The following C3 variants were observed in gnomAD, a reference collection of about 807,000 sequenced individuals.
C3 encodes the protein C3 and PZP-like alpha-2-macroglobulin domain-containing protein 1.
Under a neutral mutation model 207.9 loss-of-function variants are expected in C3, and 97 were observed. The observed-to-expected ratio is 0.47, with a 90% CI of 0.40 to 0.55. C3 has a LOEUF of 0.55. C3 is among the 20% of genes least tolerant of loss of function. The pLI is 0.00. For synonymous variants in C3, 848 were observed against 857.6 expected (o/e 0.99, Z 0.20); for missense variants, 1,684 against 2,171.7 (o/e 0.78, Z 4.46).
At chr19:6,696,487 C>T in intron 22 of C3, 22 bp from the exon 23 acceptor site, 1 of 1,600,802 alleles carries the variant, frequency 6.2e-7, no homozygotes, top group Non-Finnish European at 8.6e-7. Context: ...GTGAGAGATA[C>T]CGATGGCTCT....
intron 4 of C3, 61 bp from the exon 5 acceptor site, chr19:6,714,507 C>G (rs1216332823): frequency 1.4e-5 from 16 of 1,135,022 alleles, no homozygotes; most frequent in Non-Finnish European, 2.1e-5. Context: ...TGGGCTTAGC[C>G]TCTCAGCTCT....
At chr19:6,707,392 T>C in intron 16 of C3, 74 bp downstream of exon 16, 1 of 1,601,148 alleles carries the variant, frequency 6.2e-7, no homozygotes, top group African/African-American at 1.3e-5. Context: ...CCTCCCTCTC[T>C]GGCTCCTGCA....
chr19:6,709,630 C>T, intron 14 of C3, 54 bp downstream of exon 14: 2 of 1,493,220 alleles, frequency 1.3e-6, no homozygotes, highest in Non-Finnish European at 1.8e-6. Context: ...CCTCCCCCAG[C>T]CCCAGCTCCG....
chr19:6,708,273 A>T (rs1967827034), intron 14 of C3, among the ~76,000 whole-genome samples: 1 of 151,974 alleles, frequency 6.6e-6, no homozygotes, highest in African/African-American at 2.4e-5. Flanking sequence ...AGTATCTGGG[A>T]CTACAGGTGC....
intron 33 of C3, 152 bp downstream of exon 33, chr19:6,684,236 G>A (rs945603447): frequency 1.3e-6 from 1 of 768,498 alleles, no homozygotes; most frequent in South Asian, 1.4e-5. Context: ...AGCAAGGACT[G>A]TCTGTGTTGT....
chr19:6,684,717 A>G, intron 31 of C3, 58 bp downstream of exon 31: 1 of 1,594,364 alleles, frequency 6.3e-7, no homozygotes, highest in South Asian at 1.1e-5. Context: ...ACAAGAGGAG[A>G]TGGTCCCTCT....
chr19:6,696,026 G>T (rs891009509), intron 23 of C3, among the ~76,000 whole-genome samples: 2 of 151,088 alleles, frequency 1.3e-5, no homozygotes, highest in Non-Finnish European at 3.0e-5. Context: ...TGGCTAACAC[G>T]GTGAAACCCT....
chr19:6,678,011 G>T lies in C3; in HGVS notation c.4863C>A (p.Ile1621=). Residue 1621 remains isoleucine, a synonymous_variant, in exon 41 of 41, where the codon ATC becomes ATA. Transcript: ENST00000245907. Reference sequence around the variant, plus strand: ...GCTCCACCCAAGTGTCCTTCCCGATGATGTAGCTGAGGCTGGAGGGAAGAA... The same window carrying T: ...GCTCCACCCAAGTGTCCTTCCCGATTATGTAGCTGAGGCTGGAGGGAAGAA... ...FWGEKPNLSY[I]IGKDTWVEHW... 6.2e-7 allele frequency: 1 copy of T among 1,614,164 alleles called. No individual in the cohort carries two copies. Among genetic ancestry groups the T allele is most frequent in the South Asian group, 1.1e-5 (1 of 91,080 alleles).
intron 23 of C3, among the ~76,000 whole-genome samples, 168 bp downstream of exon 23, chr19:6,696,211 A>G (rs1177182393): frequency 8.6e-6 from 1 of 115,886 alleles, no homozygotes; most frequent in Non-Finnish European, 2.0e-5. Context: ...CTCTGTCTCA[A>G]AAAAAAAAAA....
chr19:6,711,209 A>G lies in C3; in HGVS notation c.1270-13T>C. 1 of 1,609,258 alleles carries G rather than the reference A, an allele frequency of 6.2e-7. No individual in the cohort carries two copies. ...TCTTCGTGCGCACCTGGGTGGGGAA[A>G]GAGGGATGCCTGCTGGTCGCCGCCC... On this transcript the variant is annotated splice_polypyrimidine_tract_variant and intron_variant, in intron 11 of 40. Transcript: ENST00000245907.
chr19:6,703,666 C>T (rs1379498020), intron 17 of C3, among the ~76,000 whole-genome samples: 1 of 152,084 alleles, frequency 6.6e-6, no homozygotes, highest in Non-Finnish European at 1.5e-5. Context: ...GGATCACCGT[C>T]CCGAGAAACC....
rs1451410660 is a variant in C3, at chr19:6,719,888, A to G, written c.75-485T>C. ...ACCTCTAAACCTCAAATCTTAGAGCACCCCAAACCCAGCCTAAACCTCCAA... is the reference window on the plus strand; with the variant it reads ...ACCTCTAAACCTCAAATCTTAGAGCGCCCCAAACCCAGCCTAAACCTCCAA... On this transcript the variant is annotated intron_variant, in intron 1 of 40. Transcript: ENST00000245907. This position sits in a 1 kb window ranked among gnomAD's most constrained non-coding sequence, Gnocchi z 5.4. Among the ~76,000 whole-genome samples, 1 of 152,054 alleles carries G rather than the reference A, an allele frequency of 6.6e-6. No homozygotes were observed. Among genetic ancestry groups the G allele is most frequent in the African/African-American group, 2.4e-5 (1 of 41,368 alleles).
chr19:6,695,911 G>A (rs1967521510), intron 23 of C3, among the ~76,000 whole-genome samples: 2 of 151,858 alleles, frequency 1.3e-5, no homozygotes, highest in African/African-American at 4.8e-5. Flanking sequence ...ATATCTGTAT[G>A]GTTAAAAAAA....
At position 6,709,857 on chromosome 19, in the gene C3, G is replaced by A. The variant is rs994399749; in HGVS notation, c.1687-15C>T. ...TTTACCACCAGCTGTGGGGAGGGTG[G>A]AGACGCCGAAAGAAGTCAGCCCTGG... On this transcript the variant is annotated splice_polypyrimidine_tract_variant and intron_variant, in intron 13 of 40. Transcript: ENST00000245907. 3.2e-5 allele frequency: 51 copies of A among 1,611,746 alleles called. No individual in the cohort carries two copies. The highest frequency in any genetic ancestry group is 4.2e-5 in the Non-Finnish European group (49 of 1,179,068).
intron 14 of C3, 63 bp downstream of exon 14, chr19:6,709,621 C>CA: frequency 8.3e-6 from 10 of 1,202,034 alleles, no homozygotes; most frequent in Non-Finnish European, 1.1e-5. Flanking sequence ...TCCCACCCAC[C>CA]TCCCCCAGCC....
chr19:6,697,613 T>TG (rs754380135), intron 20 of C3, 39 bp downstream of exon 20: 23 of 1,613,658 alleles, frequency 1.4e-5, no homozygotes, highest in Non-Finnish European at 1.9e-5. Context: ...ACCTACCCCC[T>TG]GGCAGCCTCC....
In C3 at chr19:6,682,029, A is replaced by G; in HGVS notation, c.4262T>C (p.Leu1421Pro). ...FAPDTDDLKQ[L>P]ANGVDRYISK... ...GATGTATCTGTCAACACCATTGGCC[A>G]GCTGGGGAAAGGTGGAGCCTGTGAA... The change falls in exon 35 of 41, where the codon CTG (leucine) becomes CCG (proline). Residue 1421 changes from leucine (L) to proline (P), a missense_variant and splice_region_variant. Leu to Pro is a moderately conservative substitution (Grantham distance 98, BLOSUM62 -3). This residue lies in a region of C3 where 346 missense variants were observed against 380.1 expected (regional missense o/e 0.91). Coordinates refer to ENST00000245907, the MANE Select transcript of C3 (RefSeq NM_000064.4). 1.2e-6 allele frequency: 2 copies of G among 1,613,988 alleles called. No individual in the cohort carries two copies. The highest frequency in any genetic ancestry group is 1.7e-6 in the Non-Finnish European group (2 of 1,179,824).
chr19:6,713,425 T>C lies in C3; in HGVS notation c.858A>G (p.Glu286=). 6.2e-7 allele frequency: 1 copy of C among 1,613,896 alleles called. No homozygotes were observed. The highest frequency in any genetic ancestry group is 2.2e-5 in the East Asian group (1 of 44,880). ...QDGEQRISLP[E]SLKRIPIEDG... is the part of the protein sequence containing the mutation. The stretch of plus-strand genomic sequence containing the variant: ...ATGGTACCGGAATGCGCTTGAGGGA[T>C]TCAGGCAGGGAAATCCTCTGTTCGC... The change falls in exon 8 of 41, where the codon GAA becomes GAG. Residue 286 remains glutamate, a synonymous_variant. Coordinates refer to ENST00000245907, the MANE Select transcript of C3 (RefSeq NM_000064.4).
intron 17 of C3, among the ~76,000 whole-genome samples, chr19:6,703,945 TCAAA>T (rs747215227): frequency 1.2e-4 from 18 of 150,740 alleles, no homozygotes; most frequent in African/African-American, 2.4e-4. Flanking sequence ...AGACTCCCTC[TCAAA>T]CAAACAAACA....
Sources: allele counts gnomAD v4.1 joint callset (sites outside exome capture counted in the v4.1 genomes callset), GRCh38; gene constraint gnomAD v4.1.1; regional missense constraint gnomAD v4.1.1; non-coding constraint Gnocchi (gnomAD v3.1); transcripts MANE v1.5; gene names NCBI Gene and HGNC (gene_info 2026-07-23, HGNC 2026-07-21).